SLC22A15: variants seen among roughly 807,000 people sequenced by gnomAD.
SLC22A15 encodes the protein flipt 1.
SLC22A15 carries 45 observed loss-of-function variants against 62.7 expected under a neutral mutation model. The observed-to-expected ratio is 0.72, with a 90% confidence interval of 0.56 to 0.92. The LOEUF (loss-of-function observed/expected upper bound fraction) is 0.92. SLC22A15 is among the 40% of genes least tolerant of loss of function. The pLI is 0.00. For missense variants in SLC22A15, 622 were observed against 665.6 expected (o/e 0.93, Z 0.72); for synonymous variants, 264 against 267.0 (o/e 0.99, Z 0.11).
intron 8 of SLC22A15, among the ~76,000 whole-genome samples, chr1:116,053,699 G>A (rs578125543): frequency 2.0e-4 from 30 of 152,234 alleles, no homozygotes; most frequent in South Asian, 8.3e-4. Flanking sequence ...GACTAACAGC[G>A]GATCTCTTGG....
chr1:116,012,369 T>A (rs1201556068), intron 2 of SLC22A15, among the ~76,000 whole-genome samples: 1 of 151,892 alleles, frequency 6.6e-6, no homozygotes, highest in African/African-American at 2.4e-5. Flanking sequence ...AAGAAATATC[T>A]CCTAGTTCAT....
At chr1:116,019,994 A>T (rs138267819) in intron 3 of SLC22A15, among the ~76,000 whole-genome samples, 2 of 152,264 alleles carry the variant, frequency 1.3e-5, no homozygotes, top group Non-Finnish European at 2.9e-5. Flanking sequence ...AGTTTATGCC[A>T]TGTTGCTAAG....
At chr1:116,032,035 C>T in intron 6 of SLC22A15, 6 of 1,032,418 alleles carry the variant, frequency 5.8e-6, no homozygotes, top group South Asian at 7.3e-5. Context: ...TTCTGTGGCA[C>T]TCCCACTCAC....
intron 2 of SLC22A15, among the ~76,000 whole-genome samples, chr1:116,018,176 C>T (rs1361033637): frequency 6.6e-6 from 1 of 152,078 alleles, no homozygotes; most frequent in Non-Finnish European, 1.5e-5. Flanking sequence ...CTGTTCCCCC[C>T]TCCTTCTGGC....
At chr1:116,027,985 AATC>A (rs1268251722) in intron 5 of SLC22A15, among the ~76,000 whole-genome samples, 1 of 152,200 alleles carries the variant, frequency 6.6e-6, no homozygotes, top group African/African-American at 2.4e-5. Context: ...CTCTGATGGT[AATC>A]ATCAAAATCT....
intron 8 of SLC22A15, among the ~76,000 whole-genome samples, chr1:116,047,229 C>T (rs569133329): frequency 5.7e-4 from 87 of 152,172 alleles, no homozygotes; most frequent in Non-Finnish European, 9.0e-4. Context: ...GAGTTCGAGA[C>T]CAGCCTGGCC....
At chr1:115,998,313 G>T (rs1655527291) in intron 2 of SLC22A15, among the ~76,000 whole-genome samples, 1 of 152,096 alleles carries the variant, frequency 6.6e-6, no homozygotes, top group Admixed American at 6.6e-5. Context: ...CATTTTGGAA[G>T]TAGAATCAGC....
chr1:116,028,295 A>C (rs948109844), intron 5 of SLC22A15, among the ~76,000 whole-genome samples: 1 of 152,118 alleles, frequency 6.6e-6, no homozygotes, highest in African/African-American at 2.4e-5. Context: ...TAGAAGAGGA[A>C]ACTAATATGA....
intron 5 of SLC22A15, 32 bp downstream of exon 5, chr1:116,027,054 T>C: frequency 6.2e-7 from 1 of 1,605,236 alleles, no homozygotes; most frequent in Non-Finnish European, 8.5e-7. Flanking sequence ...AGTTTTAATT[T>C]AAAAAGCCAA....
Position 115,992,013 on chromosome 1 carries a change from G to C in SLC22A15, c.88-18G>C, listed in dbSNP as rs761751370. On this transcript the variant is annotated intron_variant, in intron 1 of 11. Coordinates refer to ENST00000369503, the MANE Select transcript of SLC22A15 (RefSeq NM_018420.3). ...GCAAATATCTGCAGTGTTTGGTTCT[G>C]TGTGTTTGCTCTTTCAGCTCTACGT... 4.3e-6 allele frequency: 7 copies of C among 1,609,946 alleles called. No homozygotes were observed. The highest frequency in any genetic ancestry group is 2.0e-4 in the Middle Eastern group (1 of 5,004).
chr1:116,045,964 AT>A (rs1657920611), intron 8 of SLC22A15, among the ~76,000 whole-genome samples: 1 of 152,150 alleles, frequency 6.6e-6, no homozygotes, highest in African/African-American at 2.4e-5. Context: ...TGGTCAATTA[AT>A]TTTTGATGAA....
At chr1:115,980,810 A>G (rs895868127) in intron 1 of SLC22A15, among the ~76,000 whole-genome samples, 2 of 152,140 alleles carry the variant, frequency 1.3e-5, no homozygotes, top group Admixed American at 6.5e-5. Flanking sequence ...AGTTTCATGA[A>G]TCTTATTTTT....
intron 3 of SLC22A15, among the ~76,000 whole-genome samples, chr1:116,020,312 G>T (rs1472901594): frequency 1.3e-5 from 2 of 150,950 alleles, no homozygotes; most frequent in African/African-American, 4.9e-5. Flanking sequence ...CAGCACTTTG[G>T]GAGGCCGAGG....
In SLC22A15 at chr1:115,976,582, G is replaced by A; in HGVS notation, c.-46G>A. 6.9e-7 allele frequency: 1 copy of A among 1,447,432 alleles called. No individual in the cohort carries two copies. The highest frequency in any genetic ancestry group is 9.4e-7 in the Non-Finnish European group (1 of 1,066,412). The allele number at this position is 1,447,432 out of a possible 1,614,324, so 89.7% of individuals were successfully genotyped here. Reference sequence around the variant, plus strand: ...TTGCCGCGCTGGGCGGGAGGGCAGCGCCTGAGAGGGCGGTGGGGTGGCGGG... The same window carrying A: ...TTGCCGCGCTGGGCGGGAGGGCAGCACCTGAGAGGGCGGTGGGGTGGCGGG... On this transcript the variant is annotated 5_prime_UTR_variant, in exon 1 of 12. Transcript: ENST00000369503.
At chr1:116,009,025 A>G (rs1014496987) in intron 2 of SLC22A15, among the ~76,000 whole-genome samples, 5 of 152,218 alleles carry the variant, frequency 3.3e-5, no homozygotes, top group African/African-American at 4.8e-5. Context: ...GCTCAAATAA[A>G]TGTACATGTT....
At chr1:116,015,581 A>G (rs1489948655) in intron 2 of SLC22A15, among the ~76,000 whole-genome samples, 2 of 152,196 alleles carry the variant, frequency 1.3e-5, no homozygotes, top group African/African-American at 4.8e-5. Flanking sequence ...CAAATTAGCC[A>G]TTTTTTAATG....
chr1:116,069,484 A>C lies in SLC22A15; in HGVS notation c.*2376A>C, dbSNP rs41306183. The C allele has an allele frequency of 6.6e-6, 1 of 151,970 alleles. No homozygotes were observed. The highest frequency in any genetic ancestry group is 1.5e-5 in the Non-Finnish European group (1 of 67,988). The allele number at this position is 151,970 out of a possible 1,614,324, so 9.4% of individuals were successfully genotyped here. A position where few individuals can be genotyped will look rare whatever the true frequency, so the allele number is the denominator to read the frequency against. On this transcript the variant is annotated 3_prime_UTR_variant, in exon 12 of 12. Transcript: ENST00000369503. ...TTTTTAATTCTATTCAAAATTAAAAATTTTTTTTCCTAAAATAAAGCAAGA... is the reference window on the plus strand; with the variant it reads ...TTTTTAATTCTATTCAAAATTAAAACTTTTTTTTCCTAAAATAAAGCAAGA...
In SLC22A15 at chr1:116,031,364, AGATTCATTCC is replaced by A. The variant is rs1657384048; in HGVS notation, c.729-1_737del. The A allele has an allele frequency of 6.2e-7, 1 of 1,609,426 alleles. No individual in the cohort carries two copies. Among genetic ancestry groups the A allele is most frequent in the African/African-American group, 1.3e-5 (1 of 74,816 alleles). On this transcript the variant is annotated splice_acceptor_variant and coding_sequence_variant, in exon 6 of 12. Coordinates refer to ENST00000369503, the MANE Select transcript of SLC22A15 (RefSeq NM_018420.3). LOFTEE classifies it high-confidence loss of function. ...TACAGGCTTTAATGACATCTCTTTC[AGATTCATTCC>A]TGAATCACCTCGTTGGTTATACTCC...
intron 2 of SLC22A15, among the ~76,000 whole-genome samples, chr1:116,000,620 T>A (rs1655673139): frequency 7.5e-6 from 1 of 133,594 alleles, no homozygotes. Flanking sequence ...AATTTCTTTT[T>A]TTTCCTTTTT....
Sources: gnomAD v4.1 joint callset for allele counts (sites outside exome capture counted in the v4.1 genomes callset) on GRCh38, gnomAD v4.1.1 for gene constraint, MANE v1.5 for transcripts, NCBI Gene and HGNC (gene_info 2026-07-23, HGNC 2026-07-21) for gene names.